Variants in AATF observed in about 807,000 individuals in gnomAD.
AATF encodes the protein apoptosis antagonizing transcription factor, also known as protein AATF.
A neutral mutation model predicts 63.7 loss-of-function variants in AATF; 48 were observed. The ratio of observed to expected loss-of-function variants is 0.75; its 90% CI spans 0.60 to 0.96. The LOEUF (loss-of-function observed/expected upper bound fraction) is 0.96. AATF is among the 40% of genes least tolerant of loss of function. AATF has a pLI of 0.00. For missense variants in AATF, 639 were observed against 685.7 expected (o/e 0.93, Z 0.76); for synonymous variants, 258 against 247.7 (o/e 1.04, Z -0.39).
intron 4 of AATF, among the ~76,000 whole-genome samples, chr17:36,978,303 TATTTGA>T (rs2071094171): frequency 6.6e-6 from 1 of 152,164 alleles, no homozygotes; most frequent in Non-Finnish European, 1.5e-5. Context: ...TCCTCTTTCT[TATTTGA>T]TTTAATATAT....
At chr17:36,984,638 T>C (rs917227568) in intron 4 of AATF, among the ~76,000 whole-genome samples, 2 of 152,166 alleles carry the variant, frequency 1.3e-5, no homozygotes, top group Non-Finnish European at 2.9e-5. Context: ...GTTTTGTTTT[T>C]TGCGGGGAGA....
intron 10 of AATF, chr17:37,031,341 C>T: frequency 2.1e-6 from 1 of 473,382 alleles, no homozygotes; most frequent in Non-Finnish European, 3.8e-6. Context: ...AGATTACATG[C>T]AAATACTATG....
intron 4 of AATF, among the ~76,000 whole-genome samples, chr17:36,963,110 T>C (rs8078140): frequency 0.038 from 5,776 of 152,208 alleles, 370 homozygotes; most frequent in African/African-American, 0.13. Context: ...AGCAAAACTC[T>C]GTCTCAAACA....
chr17:37,006,299 A>C (rs2071341109), intron 8 of AATF, among the ~76,000 whole-genome samples: 1 of 152,086 alleles, frequency 6.6e-6, no homozygotes, highest in East Asian at 1.9e-4. Flanking sequence ...GTGAAACCTC[A>C]TCTCTACTAA....
At chr17:36,954,504 C>T (rs1023058901) in intron 4 of AATF, among the ~76,000 whole-genome samples, 1 of 152,098 alleles carries the variant, frequency 6.6e-6, no homozygotes, top group African/African-American at 2.4e-5. Context: ...AAAGATGCTT[C>T]CTATGTTTGA....
intron 5 of AATF, among the ~76,000 whole-genome samples, chr17:36,988,242 A>G (rs1252830392): frequency 6.6e-6 from 1 of 152,126 alleles, no homozygotes; most frequent in African/African-American, 2.4e-5. Flanking sequence ...GCTTGAACCC[A>G]GAAGTGGAGG....
At chr17:36,986,513 A>T in intron 4 of AATF, 104 bp from the exon 5 acceptor site, 1 of 859,196 alleles carries the variant, frequency 1.2e-6, no homozygotes, top group Middle Eastern at 2.2e-4. Context: ...CCTCCCCTTC[A>T]CTCCCCACAG....
chr17:37,052,396 C>T (rs2071760157), intron 11 of AATF: 1 of 152,200 alleles, frequency 6.6e-6, no homozygotes. Flanking sequence ...TCCAGTGGCA[C>T]CTTTTTGTAG....
At chr17:37,009,246 C>G (rs1285947701) in intron 8 of AATF, among the ~76,000 whole-genome samples, 1 of 151,806 alleles carries the variant, frequency 6.6e-6, no homozygotes, top group African/African-American at 2.4e-5. Context: ...ATTCTTCTGC[C>G]TCAGGCTCCC....
At chr17:36,987,555 C>T (rs2142246860) in intron 5 of AATF, among the ~76,000 whole-genome samples, 1 of 152,146 alleles carries the variant, frequency 6.6e-6, no homozygotes, top group Admixed American at 6.5e-5. Flanking sequence ...TTTTGTTTCA[C>T]TTTTTATCTA....
intron 4 of AATF, among the ~76,000 whole-genome samples, chr17:36,968,350 C>G (rs895460039): frequency 2.7e-4 from 32 of 119,524 alleles, no homozygotes; most frequent in African/African-American, 8.4e-4. Flanking sequence ...TCTCGGCTCA[C>G]TGCAGCCTTG....
chr17:36,971,704 C>T (rs551597351), intron 4 of AATF, among the ~76,000 whole-genome samples: 1 of 152,232 alleles, frequency 6.6e-6, no homozygotes, highest in South Asian at 2.1e-4. Flanking sequence ...ACAAATTGTA[C>T]ATTAGTCAGC....
intron 2 of AATF, among the ~76,000 whole-genome samples, chr17:36,950,837 C>T (rs1009870140): frequency 2.0e-5 from 3 of 152,124 alleles, no homozygotes; most frequent in Non-Finnish European, 2.9e-5. Flanking sequence ...TCCTTATGTT[C>T]GGACTAATGG....
At chr17:36,964,145 A>T (rs1460552040) in intron 4 of AATF, among the ~76,000 whole-genome samples, 2 of 147,296 alleles carry the variant, frequency 1.4e-5, no homozygotes, top group African/African-American at 5.0e-5. Flanking sequence ...ATGGTGAAGG[A>T]TGTGGTCAAA....
chr17:37,016,768 G>A (rs1297989201), intron 8 of AATF, among the ~76,000 whole-genome samples: 1 of 151,398 alleles, frequency 6.6e-6, no homozygotes. Flanking sequence ...TTTAAACCCA[G>A]TGATAGTGGT....
At chr17:36,990,971 G>A in intron 8 of AATF, 114 bp downstream of exon 8, 1 of 658,448 alleles carries the variant, frequency 1.5e-6, no homozygotes, top group South Asian at 2.6e-5. Context: ...CAGACAGTGA[G>A]TTAGAACTCC....
chr17:36,968,186 C>T (rs1234529132), intron 4 of AATF, among the ~76,000 whole-genome samples: 3 of 149,868 alleles, frequency 2.0e-5, no homozygotes, highest in African/African-American at 7.4e-5. Context: ...GACATTTCCT[C>T]AGCTTTATTT....
intron 8 of AATF, among the ~76,000 whole-genome samples, chr17:36,996,630 T>C (rs555686578): frequency 1.2e-4 from 19 of 152,326 alleles, no homozygotes; most frequent in South Asian, 6.2e-4. Flanking sequence ...TTTCTGCTTC[T>C]TTAAGACATT....
chr17:36,960,548 G>A (rs552417741), intron 4 of AATF, among the ~76,000 whole-genome samples: 3 of 152,208 alleles, frequency 2.0e-5, no homozygotes, highest in African/African-American at 7.2e-5. Context: ...TGTCCCACAG[G>A]CAACCAATTT....
Sources: allele counts gnomAD v4.1 joint callset (sites outside exome capture counted in the v4.1 genomes callset), GRCh38; gene constraint gnomAD v4.1.1; transcripts MANE v1.5; gene names NCBI Gene and HGNC (gene_info 2026-07-23, HGNC 2026-07-21).